Variants in LRP1B observed in about 807,000 individuals in gnomAD.
LRP1B encodes the protein LDL receptor related protein 1B, also known as low-density lipoprotein receptor-related protein 1B.
Under a neutral mutation model 556.6 loss-of-function variants are expected in LRP1B, and 217 were observed. That is an observed-to-expected ratio of 0.39 (90% CI 0.35 to 0.44). The LOEUF (loss-of-function observed/expected upper bound fraction) is 0.44. Ranked by LOEUF, LRP1B falls within the 20% of genes least tolerant of loss-of-function variation. LRP1B has a pLI of 1.00. For synonymous variants in LRP1B, 2,047 were observed against 1,865.8 expected (o/e 1.10, Z -2.50); for missense variants, 5,053 against 5,620.8 (o/e 0.90, Z 3.23).
intron 2 of LRP1B, among the ~76,000 whole-genome samples, chr2:141,698,525 T>C (rs539960500): frequency 6.6e-6 from 1 of 151,946 alleles, no homozygotes; most frequent in South Asian, 2.1e-4. Context: ...GACTATTTTT[T>C]GCTTTTGACA....
chr2:141,900,860 G>A (rs1293134019), intron 1 of LRP1B, among the ~76,000 whole-genome samples: 1 of 151,866 alleles, frequency 6.6e-6, no homozygotes, highest in African/African-American at 2.4e-5. Context: ...CTAAATTTGA[G>A]CACTCCATCT....
rs561482269 is a variant in LRP1B at position 141,145,571 on chromosome 2, T to C, written c.1013+42850A>G. Among the ~76,000 whole-genome samples the C allele has an allele frequency of 1.6e-4, 25 of 151,930 alleles. No homozygotes were observed. In the East Asian group the frequency reaches 4.6e-3, roughly 28 times the overall value. ...TTTTAGAGACAGAGTTTTGCTCTTG[T>C]TGCCCAGGCTGGAGTACAATGGTGC... On this transcript the variant is annotated intron_variant, in intron 7 of 90. Coordinates refer to ENST00000389484, the MANE Select transcript of LRP1B (RefSeq NM_018557.3).
chr2:140,744,362 A>G (rs951382355), intron 35 of LRP1B, among the ~76,000 whole-genome samples: 1 of 152,156 alleles, frequency 6.6e-6, no homozygotes, highest in South Asian at 2.1e-4. Context: ...GAAAATTCGT[A>G]TTTTGATCTG....
At chr2:140,723,789 T>G (rs1159697015) in intron 35 of LRP1B, among the ~76,000 whole-genome samples, 1 of 152,204 alleles carries the variant, frequency 6.6e-6, no homozygotes, top group Non-Finnish European at 1.5e-5. Flanking sequence ...AACTGTCGGA[T>G]AGCAAAAAGT....
intron 77 of LRP1B, among the ~76,000 whole-genome samples, chr2:140,339,900 A>G (rs1210094848): frequency 6.6e-6 from 1 of 151,602 alleles, no homozygotes; most frequent in Non-Finnish European, 1.5e-5. Flanking sequence ...TATACTGAAC[A>G]ATAGATTATT....
At chr2:142,095,343 T>G (rs1574678911) in intron 1 of LRP1B, among the ~76,000 whole-genome samples, 1 of 151,780 alleles carries the variant, frequency 6.6e-6, no homozygotes, top group Admixed American at 6.6e-5. Context: ...TTACTGTAAG[T>G]AAATTGATTT....
At chr2:141,856,492 A>G (rs1698055705) in intron 1 of LRP1B, among the ~76,000 whole-genome samples, 1 of 152,164 alleles carries the variant, frequency 6.6e-6, no homozygotes. Context: ...GGGTTTGAAA[A>G]CAATTAATAG....
intron 32 of LRP1B, among the ~76,000 whole-genome samples, chr2:140,789,743 G>T (rs1431784627): frequency 7.2e-6 from 1 of 139,354 alleles, no homozygotes; most frequent in Non-Finnish European, 1.5e-5. Context: ...CCATTCTCCT[G>T]CCTCAGCCTC....
chr2:141,032,519 A>T (rs1698402016), intron 11 of LRP1B, among the ~76,000 whole-genome samples: 1 of 151,954 alleles, frequency 6.6e-6, no homozygotes, highest in African/African-American at 2.4e-5. Context: ...TCATTCTTTA[A>T]TCTGATGAAT....
At chr2:140,284,769 A>G (rs1683060815) in intron 84 of LRP1B, among the ~76,000 whole-genome samples, 1 of 135,976 alleles carries the variant, frequency 7.4e-6, no homozygotes, top group Non-Finnish European at 1.6e-5. Context: ...ATATGAGTGA[A>G]AAGTTAGATG....
intron 2 of LRP1B, among the ~76,000 whole-genome samples, chr2:141,776,750 T>G (rs1476519748): frequency 2.0e-5 from 3 of 152,186 alleles, no homozygotes; most frequent in South Asian, 4.1e-4. Context: ...GAAGATTAAA[T>G]GAGATGCTAT....
chr2:140,876,057 G>A (rs1693294708), intron 25 of LRP1B, among the ~76,000 whole-genome samples: 1 of 151,862 alleles, frequency 6.6e-6, no homozygotes, highest in Admixed American at 6.6e-5. Flanking sequence ...CTTGAATCCA[G>A]TTTTCTGATA....
At chr2:141,083,849 C>T (rs900350689) in intron 7 of LRP1B, among the ~76,000 whole-genome samples, 1 of 152,172 alleles carries the variant, frequency 6.6e-6, no homozygotes, top group African/African-American at 2.4e-5. Context: ...CGACCTTGGA[C>T]TTCACAGTTT....
chr2:141,491,576 C>T (rs1208329568), intron 2 of LRP1B, among the ~76,000 whole-genome samples: 1 of 152,072 alleles, frequency 6.6e-6, no homozygotes, highest in East Asian at 1.9e-4. Context: ...GGATAACTCC[C>T]TGGGAGGAGG....
chr2:141,368,876 GAAAA>G (rs1485569192), intron 3 of LRP1B, among the ~76,000 whole-genome samples: 2 of 149,132 alleles, frequency 1.3e-5, no homozygotes, highest in African/African-American at 5.1e-5. Flanking sequence ...GCTACTTAAA[GAAAA>G]GTTTTTTTTC....
chr2:141,361,210 G>A (rs1290321944), intron 3 of LRP1B, among the ~76,000 whole-genome samples: 3 of 152,068 alleles, frequency 2.0e-5, no homozygotes, highest in African/African-American at 7.2e-5. Flanking sequence ...CTACAGTGAG[G>A]ATATTTTGAG....
intron 72 of LRP1B, among the ~76,000 whole-genome samples, chr2:140,361,450 G>C (rs1435413834): frequency 6.9e-6 from 1 of 143,978 alleles, no homozygotes; most frequent in African/African-American, 2.5e-5. Flanking sequence ...AGATCTACCT[G>C]TATCTACATG....
chr2:142,062,012 A>C (rs1704937583), intron 1 of LRP1B, among the ~76,000 whole-genome samples: 1 of 151,788 alleles, frequency 6.6e-6, no homozygotes, highest in Admixed American at 6.6e-5. Context: ...GTTGCTCATT[A>C]GAGGTTAGTT....
intron 49 of LRP1B, among the ~76,000 whole-genome samples, chr2:140,519,941 G>A (rs561466388): frequency 1.8e-4 from 27 of 152,162 alleles, no homozygotes; most frequent in South Asian, 6.2e-4. Context: ...TTAGAATGGC[G>A]ATCATTAAAA....
Sources: gnomAD v4.1 joint callset for allele counts (sites outside exome capture counted in the v4.1 genomes callset) on GRCh38, gnomAD v4.1.1 for gene constraint, MANE v1.5 for transcripts, NCBI Gene and HGNC (gene_info 2026-07-23, HGNC 2026-07-21) for gene names.